Variants in GRM7 observed in about 807,000 individuals in gnomAD.
The protein encoded by GRM7 is glutamate metabotropic receptor 7.
A neutral mutation model predicts 84.5 loss-of-function variants in GRM7; 35 were observed. The observed-to-expected ratio is 0.41, with a 90% CI of 0.32 to 0.55. The LOEUF (loss-of-function observed/expected upper bound fraction) is 0.55, where lower values mean the gene tolerates loss of function less well. GRM7 is among the 20% of genes least tolerant of loss of function. GRM7 has a pLI of 0.19. For missense variants in GRM7, 1,003 were observed against 1,194.6 expected (o/e 0.84, Z 2.36); for synonymous variants, 487 against 455.1 (o/e 1.07, Z -0.89).
At chr3:6,912,844 T>C (rs572167199) in intron 1 of GRM7, among the ~76,000 whole-genome samples, 39 of 152,310 alleles carry the variant, frequency 2.6e-4, no homozygotes, top group South Asian at 1.0e-3. Context: ...TATGTCAAAA[T>C]AGGTTGTTAT....
At chr3:7,508,685 C>A (rs940225719) in intron 7 of GRM7, among the ~76,000 whole-genome samples, 1 of 152,034 alleles carries the variant, frequency 6.6e-6, no homozygotes, top group Admixed American at 6.6e-5. Context: ...TTTGGAAAAA[C>A]GGTTCTTACG....
At chr3:7,474,390 C>T (rs1441302873) in intron 7 of GRM7, among the ~76,000 whole-genome samples, 1 of 151,718 alleles carries the variant, frequency 6.6e-6, no homozygotes, top group Non-Finnish European at 1.5e-5. Flanking sequence ...GATCAGTCCA[C>T]CTTTCTTTCT....
intron 8 of GRM7, among the ~76,000 whole-genome samples, chr3:7,598,417 C>T (rs985727869): frequency 6.6e-6 from 1 of 152,174 alleles, no homozygotes; most frequent in Admixed American, 6.5e-5. Flanking sequence ...CCTTTGATAA[C>T]ACAGGCAGAC....
At chr3:7,187,673 TA>T (rs1695567801) in intron 2 of GRM7, among the ~76,000 whole-genome samples, 2 of 152,192 alleles carry the variant, frequency 1.3e-5, no homozygotes, top group African/African-American at 2.4e-5. Context: ...CACTTTTAAT[TA>T]CATGCAGATT....
intron 9 of GRM7, among the ~76,000 whole-genome samples, chr3:7,688,246 T>C (rs1288269913): frequency 1.3e-5 from 2 of 152,102 alleles, no homozygotes; most frequent in Non-Finnish European, 2.9e-5. Flanking sequence ...ATATACAGAT[T>C]AGAAGTAAAT....
chr3:7,405,476 T>C (rs769174530), intron 4 of GRM7, among the ~76,000 whole-genome samples: 1 of 152,192 alleles, frequency 6.6e-6, no homozygotes, highest in East Asian at 1.9e-4. Flanking sequence ...CATCTCTTTG[T>C]GTTGGGAAGA....
chr3:7,671,410 G>T (rs1381483316), intron 8 of GRM7, among the ~76,000 whole-genome samples: 2 of 152,094 alleles, frequency 1.3e-5, no homozygotes, highest in Non-Finnish European at 2.9e-5. Context: ...GCACTGAGAT[G>T]CAGGTGATTC....
At chr3:7,177,122 C>CTT (rs35039009) in intron 2 of GRM7, among the ~76,000 whole-genome samples, 1 of 151,302 alleles carries the variant, frequency 6.6e-6, no homozygotes, top group African/African-American at 2.4e-5. Context: ...CTAACTCTGC[C>CTT]TTTTTTTTTA....
intron 5 of GRM7, among the ~76,000 whole-genome samples, chr3:7,423,199 G>C (rs560645785): frequency 4.6e-5 from 7 of 152,174 alleles, no homozygotes; most frequent in African/African-American, 4.8e-5. Context: ...CATAGCAACT[G>C]TGTTTAATTC....
At chr3:7,037,175 C>G (rs1696417773) in intron 1 of GRM7, among the ~76,000 whole-genome samples, 1 of 152,138 alleles carries the variant, frequency 6.6e-6, no homozygotes, top group Non-Finnish European at 1.5e-5. Context: ...CCAGCTGACC[C>G]AACTGACTGG....
intron 1 of GRM7, chr3:6,894,137 G>C (rs1696079697): frequency 6.6e-6 from 1 of 152,048 alleles, no homozygotes; most frequent in Non-Finnish European, 1.5e-5. Context: ...TCTTAGGTTT[G>C]GGGAAATTTC....
chr3:7,150,303 T>C (rs1449889883), intron 2 of GRM7, among the ~76,000 whole-genome samples: 1 of 152,154 alleles, frequency 6.6e-6, no homozygotes, highest in African/African-American at 2.4e-5. Flanking sequence ...CAGAGGCTAC[T>C]TATAAACCAG....
At chr3:6,932,136 A>G (rs1697523047) in intron 1 of GRM7, among the ~76,000 whole-genome samples, 1 of 152,200 alleles carries the variant, frequency 6.6e-6, no homozygotes, top group Non-Finnish European at 1.5e-5. Flanking sequence ...TTTGAATGTT[A>G]TGTTCTACCA....
rs555245430 is a variant in GRM7 at position 7,471,804 on chromosome 3, G to A, written c.1515+10082G>A. ...AGAATGGATTATTTTGCCTACCATA[G>A]TTCTTTACTGTATTTAATAACTTTG... On this transcript the variant is annotated intron_variant, in intron 7 of 9. Transcript: ENST00000357716. 3.3e-5 allele frequency among the ~76,000 whole-genome samples: 5 copies of A among 152,246 alleles called. No individual in the cohort carries two copies. In the South Asian group the frequency reaches 1.0e-3, roughly 32 times the overall value.
At chr3:7,591,242 G>T (rs1354668776) in intron 8 of GRM7, among the ~76,000 whole-genome samples, 3 of 152,102 alleles carry the variant, frequency 2.0e-5, no homozygotes, top group African/African-American at 7.2e-5. Flanking sequence ...ACATAAAAAA[G>T]ACTTTCTAAA....
chr3:7,380,331 A>C (rs111666953), intron 4 of GRM7, among the ~76,000 whole-genome samples: 4 of 147,328 alleles, frequency 2.7e-5, no homozygotes, highest in African/African-American at 7.6e-5. Flanking sequence ...GAAAACACAG[A>C]AGTTATCCTC....
At chr3:6,886,755 T>C (rs1180089420) in intron 1 of GRM7, among the ~76,000 whole-genome samples, 1 of 151,090 alleles carries the variant, frequency 6.6e-6, no homozygotes, top group Non-Finnish European at 1.5e-5. Context: ...ATTCTTGCAG[T>C]AATTTAACTG....
intron 8 of GRM7, among the ~76,000 whole-genome samples, chr3:7,673,967 T>C (rs1454490227): frequency 1.3e-5 from 2 of 152,150 alleles, no homozygotes; most frequent in African/African-American, 4.8e-5. Context: ...GGTTAAGTAC[T>C]GTATGAGCCA....
At chr3:7,280,336 A>G (rs1164224994) in intron 2 of GRM7, among the ~76,000 whole-genome samples, 1 of 152,216 alleles carries the variant, frequency 6.6e-6, no homozygotes, top group Non-Finnish European at 1.5e-5. Flanking sequence ...CATTTGGCAT[A>G]TCACGTTCCC....
Sources: allele counts gnomAD v4.1 joint callset (sites outside exome capture counted in the v4.1 genomes callset), GRCh38; gene constraint gnomAD v4.1.1; transcripts MANE v1.5; gene names NCBI Gene and HGNC (gene_info 2026-07-23, HGNC 2026-07-21).